Variants in RXFP3 observed in about 807,000 individuals in gnomAD.
RXFP3 encodes relaxin-3 receptor 1.
Under a neutral mutation model 27.3 loss-of-function variants are expected in RXFP3, and 31 were observed. The observed-to-expected ratio is 1.13, with a 90% confidence interval of 0.85 to 1.53. RXFP3 has a LOEUF of 1.53. RXFP3 is among the 40% of genes most tolerant of loss of function. RXFP3 has a pLI of 0.00. For missense variants in RXFP3, 684 were observed against 642.1 expected (o/e 1.07, Z -0.70); for synonymous variants, 351 against 293.6 (o/e 1.20, Z -2.00).
chr5:33,937,851 T>C lies in RXFP3; in HGVS notation c.1111T>C (p.Phe371Leu). The change falls in exon 1 of 1, where the codon TTC (phenylalanine) becomes CTC (leucine). Residue 371 changes from phenylalanine (F) to leucine (L), a missense_variant. Transcript: ENST00000330120. ...QEYFLCQVYA[F>L]PVSVCLAHSN... Reference sequence around the variant, plus strand: ...GTATTTCCTGTGCCAGGTATACGCGTTCCCTGTGAGCGTGTGCCTAGCGCA... The same window carrying C: ...GTATTTCCTGTGCCAGGTATACGCGCTCCCTGTGAGCGTGTGCCTAGCGCA... The C allele has an allele frequency of 1.9e-6, 3 of 1,614,146 alleles. No homozygotes were observed. Among genetic ancestry groups the C allele is most frequent in the Non-Finnish European group, 2.5e-6 (3 of 1,180,032 alleles).
Position 33,938,031 on chromosome 5 carries a change from C to T in RXFP3, c.1291C>T (p.Leu431=). Residue 431 remains leucine (L), a synonymous_variant, in exon 1 of 1, where the codon CTG becomes TTG. Coordinates refer to ENST00000330120, the MANE Select transcript of RXFP3 (RefSeq NM_016568.3). ...TTKPEHEDQG[L]QAPAPPHAAA... is the part of the protein sequence containing the mutation. ...CAAGCCGGAGCACGAGGATCAGGGG[C>T]TGCAGGCCCCGGCGCCGCCCCACGC... The T allele has an allele frequency of 1.2e-6, 2 of 1,612,446 alleles. No homozygotes were observed. The highest frequency in any genetic ancestry group is 1.3e-5 in the African/African-American group (1 of 75,072).
rs573364293 is a variant in RXFP3, at chr5:33,937,650, G to C, written c.910G>C (p.Gly304Arg). 24 of 1,603,992 alleles carry C rather than the reference G, an allele frequency of 1.5e-5. No individual in the cohort carries two copies. In the African/African-American group the frequency reaches 2.8e-4, roughly 19 times the overall value. ...CGACCGCCGCGCGGCGGGGACCAAA[G>C]GAGGGGCCGCGGTAGCCGGAGGACG... is the stretch of plus-strand genomic sequence containing the variant. Reference protein sequence around the residue: ...IADRRAAGTKGGAAVAGGRPT... With the variant: ...IADRRAAGTKRGAAVAGGRPT... The change falls in exon 1 of 1, where the codon GGA becomes CGA. Residue 304 changes from glycine to arginine, a missense_variant. Coordinates refer to ENST00000330120, the MANE Select transcript of RXFP3 (RefSeq NM_016568.3).
Position 33,936,613 on chromosome 5 carries a change from G to C in RXFP3, c.-128G>C. 1 of 879,050 alleles carries C rather than the reference G, an allele frequency of 1.1e-6. No homozygotes were observed. Among genetic ancestry groups the C allele is most frequent in the Non-Finnish European group, 1.6e-6 (1 of 610,270 alleles). The allele number at this position is 879,050 out of a possible 1,614,324, so 54.5% of individuals were successfully genotyped here. A position where few individuals can be genotyped will look rare whatever the true frequency, so the allele number is the denominator to read the frequency against. Reference sequence around the variant, plus strand: ...GACGCGCTTAGTACCCAGTTCCTGGGCTCTCTCTTCAGTAGCTGCTTTGAA... The same window carrying C: ...GACGCGCTTAGTACCCAGTTCCTGGCCTCTCTCTTCAGTAGCTGCTTTGAA... On this transcript the variant is annotated 5_prime_UTR_variant, in exon 1 of 1. Coordinates refer to ENST00000330120, the MANE Select transcript of RXFP3 (RefSeq NM_016568.3).
In RXFP3 at chr5:33,936,930, C is replaced by A. The variant is rs1248248633; in HGVS notation, c.190C>A (p.His64Asn). Reference protein sequence around the residue: ...LELPDGAPPGHPPGSGGAESA... With the variant: ...LELPDGAPPGNPPGSGGAESA... ...GTTGCCGGACGGCGCGCCGCCAGGA[C>A]ATCCCCCGGGCAGCGGCGGGGCAGA... is the stretch of plus-strand genomic sequence containing the variant. The change falls in exon 1 of 1, where the codon CAT becomes AAT. Residue 64 changes from histidine to asparagine, a missense_variant. Transcript: ENST00000330120. The A allele has an allele frequency of 2.5e-6, 4 of 1,600,888 alleles. No homozygotes were observed. The African/African-American group carries it at 5.4e-5, about 21-fold the overall frequency.
chr5:33,936,604 A>T lies in RXFP3; in HGVS notation c.-137A>T, dbSNP rs1308531355. ...GCGCGCCAGGACGCGCTTAGTACCC[A>T]GTTCCTGGGCTCTCTCTTCAGTAGC... is the stretch of plus-strand genomic sequence containing the variant. On this transcript the variant is annotated 5_prime_UTR_variant, in exon 1 of 1. Transcript: ENST00000330120. 5.0e-6 allele frequency: 4 copies of T among 796,050 alleles called. No individual in the cohort carries two copies. Among genetic ancestry groups the T allele is most frequent in the Non-Finnish European group, 7.4e-6 (4 of 540,542 alleles). 49.3% of individuals were successfully genotyped at this position (796,050 alleles called of 1,614,324 possible).
Position 33,937,373 on chromosome 5 carries a change from C to T in RXFP3, c.633C>T (p.Cys211=), listed in dbSNP as rs1363532939. The change falls in exon 1 of 1, where the codon TGC becomes TGT. Residue 211 remains cysteine (C), a synonymous_variant. Coordinates refer to ENST00000330120, the MANE Select transcript of RXFP3 (RefSeq NM_016568.3). Reference sequence around the variant, plus strand: ...GCCGGAGCCTGGGGGACAGCTGCTGCTTCTCGGCCAAGGCGCTGTGTGTGT... The same window carrying T: ...GCCGGAGCCTGGGGGACAGCTGCTGTTTCTCGGCCAAGGCGCTGTGTGTGT... The part of the protein sequence containing the change: ...CCGRSLGDSC[C]FSAKALCVWI... 1.2e-6 allele frequency: 2 copies of T among 1,613,136 alleles called. No homozygotes were observed. The highest frequency in any genetic ancestry group is 1.7e-6 in the Non-Finnish European group (2 of 1,179,976).
Position 33,937,587 on chromosome 5 carries a change from A to G in RXFP3, c.847A>G (p.Ile283Val). ...GGGCTTCGTGCTGCCGCTGGGCATCATTATCTTGTGCTACCTGCTGCTGGT... is the reference window on the plus strand; with the variant it reads ...GGGCTTCGTGCTGCCGCTGGGCATCGTTATCTTGTGCTACCTGCTGCTGGT... ...LLGFVLPLGIIILCYLLLVRF... is the reference protein window; with the variant it reads ...LLGFVLPLGIVILCYLLLVRF... The change falls in exon 1 of 1, where the codon ATT becomes GTT. Residue 283 changes from isoleucine (I) to valine (V), a missense_variant. Physicochemically the swap from Ile to Val is conservative, Grantham distance 29 (BLOSUM62 3). Transcript: ENST00000330120. 1 of 1,571,030 alleles carries G rather than the reference A, an allele frequency of 6.4e-7. No individual in the cohort carries two copies. Among genetic ancestry groups the G allele is most frequent in the Non-Finnish European group, 8.6e-7 (1 of 1,158,302 alleles).
At position 33,937,416 on chromosome 5, in the gene RXFP3, G is replaced by T. The variant is rs1751691172; in HGVS notation, c.676G>T (p.Ala226Ser). ...GTGTGTGTGGATCTGGGCTTTGGCC[G>T]CGCTGGCCTCGCTGCCCAGTGCCAT... ...ALCVWIWALA[A>S]LASLPSAIFS... The change falls in exon 1 of 1, where the codon GCG becomes TCG. Residue 226 changes from alanine (A) to serine (S), a missense_variant. Physicochemically the swap from Ala to Ser is moderately conservative, Grantham distance 99. Coordinates refer to ENST00000330120, the MANE Select transcript of RXFP3 (RefSeq NM_016568.3). The T allele has an allele frequency of 6.2e-7, 1 of 1,613,112 alleles. No individual in the cohort carries two copies. The highest frequency in any genetic ancestry group is 8.5e-7 in the Non-Finnish European group (1 of 1,179,840).
In RXFP3 at chr5:33,937,326, C is replaced by T. The variant is rs200828663; in HGVS notation, c.586C>T (p.His196Tyr). 4.4e-5 allele frequency: 71 copies of T among 1,612,832 alleles called. No homozygotes were observed. Among genetic ancestry groups the T allele is most frequent in the Non-Finnish European group, 8.5e-7 (1 of 1,180,002 alleles). Residue 196 changes from histidine (H) to tyrosine (Y), a missense_variant, in exon 1 of 1, where the codon CAC (histidine) becomes TAC (tyrosine). Transcript: ENST00000330120. Reference protein sequence around the residue: ...SALKSHRTRGHGRGDCCGRSL... With the variant: ...SALKSHRTRGYGRGDCCGRSL... ...TCTGAAGAGCCACCGGACCCGAGGA[C>T]ACGGCCGGGGCGACTGCTGCGGCCG...
Position 33,938,200 on chromosome 5 carries a change from G to A in RXFP3, c.*50G>A. 6.7e-7 allele frequency: 1 copy of A among 1,500,788 alleles called. No homozygotes were observed. Among genetic ancestry groups the A allele is most frequent in the South Asian group, 1.3e-5 (1 of 75,910 alleles). The allele number at this position is 1,500,788 out of a possible 1,614,324, so 93.0% of individuals were successfully genotyped here. A position where few individuals can be genotyped will look rare whatever the true frequency, so the allele number is the denominator to read the frequency against. ...CCGTCGGGGCAAGGTGGCCTTCCCC[G>A]GGCGGTAAAGAGGTGAAAGGATGAA... On this transcript the variant is annotated 3_prime_UTR_variant, in exon 1 of 1. Coordinates refer to ENST00000330120, the MANE Select transcript of RXFP3 (RefSeq NM_016568.3).
rs765741064 is a variant in RXFP3 at position 33,937,957 on chromosome 5, G to A, written c.1217G>A (p.Arg406His). 1.2e-6 allele frequency: 2 copies of A among 1,613,176 alleles called. No homozygotes were observed. Among genetic ancestry groups the A allele is most frequent in the Admixed American group, 1.7e-5 (1 of 60,008 alleles). The change falls in exon 1 of 1, where the codon CGC (arginine) becomes CAC (histidine). Residue 406 changes from arginine to histidine, a missense_variant. Coordinates refer to ENST00000330120, the MANE Select transcript of RXFP3 (RefSeq NM_016568.3). ...AAGGCGCTCAAGAGCCTGCTGTGGC[G>A]CATCGCGTCTCCTTCGATCACCAGC... ...FRKALKSLLWRIASPSITSMR... is the reference protein window; with the variant it reads ...FRKALKSLLWHIASPSITSMR...
chr5:33,936,656 C>G lies in RXFP3; in HGVS notation c.-85C>G. 7.5e-7 allele frequency: 1 copy of G among 1,334,436 alleles called. No individual in the cohort carries two copies. Among genetic ancestry groups the G allele is most frequent in the South Asian group, 1.8e-5 (1 of 56,304 alleles). The allele number at this position is 1,334,436 out of a possible 1,614,324, so 82.7% of individuals were successfully genotyped here. On this transcript the variant is annotated 5_prime_UTR_variant, in exon 1 of 1. Transcript: ENST00000330120. ...GCTTTGAAAGCTCCCACGCACGTCCCGCAGGCTAGCCTGGCAACAAAACTG... is the reference window on the plus strand; with the variant it reads ...GCTTTGAAAGCTCCCACGCACGTCCGGCAGGCTAGCCTGGCAACAAAACTG...
rs1751694788 is a variant in RXFP3, at chr5:33,937,544, C to A, written c.804C>A (p.His268Gln). The change falls in exon 1 of 1, where the codon CAC (histidine) becomes CAA (glutamine). Residue 268 changes from histidine (H) to glutamine (Q), a missense_variant. Coordinates refer to ENST00000330120, the MANE Select transcript of RXFP3 (RefSeq NM_016568.3). ...GGCAGTTCTGGCTGGGCCTCTACCACTCGCAGAAGGTGCTGCTGGGCTTCG... is the reference window on the plus strand; with the variant it reads ...GGCAGTTCTGGCTGGGCCTCTACCAATCGCAGAAGGTGCTGCTGGGCTTCG... ...RDRQFWLGLY[H>Q]SQKVLLGFVL... The A allele has an allele frequency of 6.3e-7, 1 of 1,575,038 alleles. No homozygotes were observed. The highest frequency in any genetic ancestry group is 1.4e-5 in the African/African-American group (1 of 73,832).
Position 33,937,840 on chromosome 5 carries a change from A to C in RXFP3, c.1100A>C (p.Gln367Pro), listed in dbSNP as rs1287627416. 6.2e-7 allele frequency: 1 copy of C among 1,614,156 alleles called. No homozygotes were observed. The highest frequency in any genetic ancestry group is 1.3e-5 in the African/African-American group (1 of 75,058). Residue 367 changes from glutamine to proline, a missense_variant, in exon 1 of 1, where the codon CAG (glutamine) becomes CCG (proline). Gln to Pro is a moderately conservative substitution (Grantham distance 76). Coordinates refer to ENST00000330120, the MANE Select transcript of RXFP3 (RefSeq NM_016568.3). ...TTCAGCCAGGAGTATTTCCTGTGCC[A>C]GGTATACGCGTTCCCTGTGAGCGTG... ...VPFSQEYFLC[Q>P]VYAFPVSVCL... is the part of the protein sequence containing the mutation.
rs767134913 is a variant in RXFP3 at position 33,937,936 on chromosome 5, C to A, written c.1196C>A (p.Ala399Glu). 1 of 1,613,604 alleles carries A rather than the reference C, an allele frequency of 6.2e-7. No individual in the cohort carries two copies. ...CTCGTGCGCCGCGAGTTCCGCAAGG[C>A]GCTCAAGAGCCTGCTGTGGCGCATC... ...YCLVRREFRKALKSLLWRIAS... is the reference protein window; with the variant it reads ...YCLVRREFRKELKSLLWRIAS... The change falls in exon 1 of 1, where the codon GCG becomes GAG. Residue 399 changes from alanine to glutamate, a missense_variant. Coordinates refer to ENST00000330120, the MANE Select transcript of RXFP3 (RefSeq NM_016568.3).
At position 33,938,026 on chromosome 5, in the gene RXFP3, A is replaced by G. The variant is rs1751714432; in HGVS notation, c.1286A>G (p.Gln429Arg). The G allele has an allele frequency of 6.2e-7, 1 of 1,612,520 alleles. No individual in the cohort carries two copies. Among genetic ancestry groups the G allele is most frequent in the Non-Finnish European group, 8.5e-7 (1 of 1,179,858 alleles). The change falls in exon 1 of 1, where the codon CAG (glutamine) becomes CGG (arginine). Residue 429 changes from glutamine (Q) to arginine (R), a missense_variant. By Grantham distance (43) the Gln-to-Arg change is conservative. Coordinates refer to ENST00000330120, the MANE Select transcript of RXFP3 (RefSeq NM_016568.3). ...TATTKPEHEDQGLQAPAPPHA... is the reference protein window; with the variant it reads ...TATTKPEHEDRGLQAPAPPHA... Reference sequence around the variant, plus strand: ...ACTACCAAGCCGGAGCACGAGGATCAGGGGCTGCAGGCCCCGGCGCCGCCC... The same window carrying G: ...ACTACCAAGCCGGAGCACGAGGATCGGGGGCTGCAGGCCCCGGCGCCGCCC...
At position 33,936,843 on chromosome 5, in the gene RXFP3, G is replaced by A. The variant is rs768145756; in HGVS notation, c.103G>A (p.Ala35Thr). The A allele has an allele frequency of 6.3e-7, 1 of 1,593,506 alleles. No homozygotes were observed. Residue 35 changes from alanine (A) to threonine (T), a missense_variant, in exon 1 of 1, where the codon GCC becomes ACC. Transcript: ENST00000330120. ...TCTGGTCCCGGACCTTCTGGAGGCG[G>A]CCAACACGAGTGGTAACGCGTCGCT... ...FSLVPDLLEAANTSGNASLQL... is the reference protein window; with the variant it reads ...FSLVPDLLEATNTSGNASLQL...
rs1751724273 is a variant in RXFP3, at chr5:33,938,353, G to GGAAATT, written c.*205_*210dup. Reference sequence around the variant, plus strand: ...GATGCTTCGAAATCGGGTGGAGAGAGGAAATTGGCAAAGGGATAGAGACGA... The same window carrying GGAAATT: ...GATGCTTCGAAATCGGGTGGAGAGAGGAAATTGAAATTGGCAAAGGGATAGAGACGA... On this transcript the variant is annotated 3_prime_UTR_variant, in exon 1 of 1. Coordinates refer to ENST00000330120, the MANE Select transcript of RXFP3 (RefSeq NM_016568.3). 1 of 605,638 alleles carries GGAAATT rather than the reference G, an allele frequency of 1.7e-6. No homozygotes were observed. The highest frequency in any genetic ancestry group is 1.9e-5 in the African/African-American group (1 of 53,824). The allele number at this position is 605,638 out of a possible 1,614,324, so 37.5% of individuals were successfully genotyped here. A position where few individuals can be genotyped will look rare whatever the true frequency, so the allele number is the denominator to read the frequency against.
In RXFP3 at chr5:33,936,819, C is replaced by A. The variant is rs750209356; in HGVS notation, c.79C>A (p.Leu27Met). 3 of 1,575,298 alleles carry A rather than the reference C, an allele frequency of 1.9e-6. No homozygotes were observed. In the Admixed American group the frequency reaches 5.2e-5, roughly 27 times the overall value. ...GGACAAGCTAGCAGAACTCTTCAGTCTGGTCCCGGACCTTCTGGAGGCGGC... is the reference window on the plus strand; with the variant it reads ...GGACAAGCTAGCAGAACTCTTCAGTATGGTCCCGGACCTTCTGGAGGCGGC... ...GGDKLAELFS[L>M]VPDLLEAANT... Residue 27 changes from leucine to methionine, a missense_variant, in exon 1 of 1, where the codon CTG becomes ATG. Coordinates refer to ENST00000330120, the MANE Select transcript of RXFP3 (RefSeq NM_016568.3).
Sources: allele counts gnomAD v4.1 joint callset, GRCh38; gene constraint gnomAD v4.1.1; transcripts MANE v1.5; gene names NCBI Gene and HGNC (gene_info 2026-07-23, HGNC 2026-07-21).